The following USB1 variants were observed in gnomAD, a reference collection of about 807,000 sequenced individuals.
USB1 encodes the protein U6 snRNA biogenesis phosphodiesterase 1.
In USB1, 21 loss-of-function variants were observed where a neutral mutation model predicts 29.9. The ratio of observed to expected loss-of-function variants is 0.70; its 90% confidence interval spans 0.50 to 1.01. The LOEUF (loss-of-function observed/expected upper bound fraction) is 1.01, where lower values mean the gene tolerates loss of function less well. Among genes scored for constraint, USB1 ranks in the 50% least tolerant of loss-of-function variants. The pLI is 0.00. For missense variants in USB1, 330 were observed against 347.1 expected (o/e 0.95, Z 0.39); for synonymous variants, 143 against 134.9 (o/e 1.06, Z -0.42).
At chr16:58,007,013 A>G (rs1233422053) in intron 2 of USB1, among the ~76,000 whole-genome samples, 1 of 152,258 alleles carries the variant, frequency 6.6e-6, no homozygotes, top group Non-Finnish European at 1.5e-5. Context: ...TGGATGGATT[A>G]CATTAATTGA....
At chr16:58,006,839 G>A (rs1963372015) in intron 2 of USB1, among the ~76,000 whole-genome samples, 1 of 152,196 alleles carries the variant, frequency 6.6e-6, no homozygotes, top group South Asian at 2.1e-4. Flanking sequence ...TTTCCTATCA[G>A]TTAGCTATAG....
chr16:58,011,172 G>A (rs1225942412), intron 3 of USB1: 1 of 1,514,828 alleles, frequency 6.6e-7, no homozygotes, highest in Non-Finnish European at 8.9e-7. Flanking sequence ...CTTAGGAAAT[G>A]ACACAGGTTT....
rs377411772 is a variant in USB1 at position 58,017,420 on chromosome 16, A to C, written c.590A>C (p.Asn197Thr). Residue 197 changes from asparagine to threonine, a missense_variant, in exon 5 of 7, where the codon AAC becomes ACC. Transcript: ENST00000219281. ...GTGGACAGAGTCATGGAGGAATTCAACCTCACCACTTTCTACCAGGTAATG... is the reference window on the plus strand; with the variant it reads ...GTGGACAGAGTCATGGAGGAATTCACCCTCACCACTTTCTACCAGGTAATG... ...SEVDRVMEEF[N>T]LTTFYQDPSF... The C allele has an allele frequency of 1.2e-6, 2 of 1,613,972 alleles. No homozygotes were observed. The highest frequency in any genetic ancestry group is 1.3e-5 in the African/African-American group (1 of 74,914).
chr16:58,014,029 A>G, intron 3 of USB1: 1 of 512,016 alleles, frequency 2.0e-6, no homozygotes. Flanking sequence ...ATGAACTGCT[A>G]TTAACAAAGT....
upstream of USB1, chr16:57,999,849 G>C (rs984079335): frequency 6.5e-6 from 1 of 152,758 alleles, no homozygotes; most frequent in African/African-American, 2.4e-5. Context: ...GCGCCTGTAG[G>C]TCCGCTGTGC....
chr16:58,001,565 GA>G lies in USB1; in HGVS notation c.83del (p.Asp28ValfsTer23). 6.2e-7 allele frequency: 1 copy of G among 1,608,532 alleles called. No individual in the cohort carries two copies. The highest frequency in any genetic ancestry group is 8.5e-7 in the Non-Finnish European group (1 of 1,178,036). On this transcript the variant is annotated frameshift_variant, in exon 1 of 7. Transcript: ENST00000219281. LOFTEE classifies it high-confidence loss of function. ...SEDGMRTRPGDGSHRRGQSPL... is the reference protein window; with the variant it reads ...SEDGMRTRPGXGSHRRGQSPL... Reference sequence around the variant, plus strand: ...GGACGGGATGCGGACCAGGCCGGGGGATGGGAGCCACCGTCGGTGAGGAGTG... The same window carrying G: ...GGACGGGATGCGGACCAGGCCGGGGGTGGGAGCCACCGTCGGTGAGGAGTG...
chr16:58,020,813 G>T lies in USB1; in HGVS notation c.*568G>T, dbSNP rs1017461757. On this transcript the variant is annotated 3_prime_UTR_variant, in exon 7 of 7. Transcript: ENST00000219281. ...CTCGGCTGTTGTGGGTTGCAGGTTG[G>T]GTGCTGCTGTTGTGGTCCTTCCCAG... The T allele has an allele frequency of 5.7e-6, 1 of 176,464 alleles. No individual in the cohort carries two copies. Among genetic ancestry groups the T allele is most frequent in the Non-Finnish European group, 1.2e-5 (1 of 81,404 alleles). The allele number at this position is 176,464 out of a possible 1,614,324, so 10.9% of individuals were successfully genotyped here.
chr16:58,018,900 C>T, intron 5 of USB1, 72 bp from the exon 6 acceptor site: 1 of 1,478,740 alleles, frequency 6.8e-7, no homozygotes. Context: ...ACAGCTCTGT[C>T]ACAGACCTGC....
intron 2 of USB1, among the ~76,000 whole-genome samples, chr16:58,006,465 C>G (rs535175523): frequency 1.1e-5 from 1 of 88,700 alleles, no homozygotes; most frequent in Non-Finnish European, 2.3e-5. Flanking sequence ...CAAGACCAGC[C>G]TGGCCAACAT....
In USB1 at chr16:58,020,248, A is replaced by G; in HGVS notation, c.*3A>G. ...TCTTCTCGATGCCTTTGAAGTGAGC[A>G]CCAGAGGCCTTCCTCCTCCAGGGCC... On this transcript the variant is annotated 3_prime_UTR_variant, in exon 7 of 7. Coordinates refer to ENST00000219281, the MANE Select transcript of USB1 (RefSeq NM_024598.4). 1 of 1,613,874 alleles carries G rather than the reference A, an allele frequency of 6.2e-7. No individual in the cohort carries two copies. Among genetic ancestry groups the G allele is most frequent in the Non-Finnish European group, 8.5e-7 (1 of 1,179,772 alleles).
chr16:58,010,727 A>C (rs552348831), intron 3 of USB1: 1 of 428,946 alleles, frequency 2.3e-6, no homozygotes, highest in African/African-American at 2.0e-5. Context: ...CAGGATACAC[A>C]TGAACAGCCA....
intron 6 of USB1, 88 bp from the exon 7 acceptor site, chr16:58,020,053 A>C: frequency 7.7e-7 from 1 of 1,292,872 alleles, no homozygotes; most frequent in East Asian, 2.4e-5. Flanking sequence ...CCAGCCTCTG[A>C]AGTTGGGTGA....
intron 3 of USB1, chr16:58,010,566 T>C: frequency 3.8e-6 from 1 of 263,372 alleles, no homozygotes; most frequent in Non-Finnish European, 7.4e-6. Context: ...TGTTGAGCTC[T>C]CAGGTTACCC....
intron 2 of USB1, among the ~76,000 whole-genome samples, chr16:58,005,753 C>T (rs1305549359): frequency 6.6e-6 from 1 of 152,178 alleles, no homozygotes; most frequent in East Asian, 1.9e-4. Flanking sequence ...AACATCTCTC[C>T]ACTTACTTAG....
chr16:58,015,486 C>CATTCATT (rs939178838), intron 4 of USB1: 6 of 152,192 alleles, frequency 3.9e-5, no homozygotes, highest in African/African-American at 1.4e-4. Flanking sequence ...TTTATTCATT[C>CATTCATT]ATTTATTCCA....
At chr16:58,018,260 T>G (rs1963662998) in intron 5 of USB1, among the ~76,000 whole-genome samples, 1 of 147,318 alleles carries the variant, frequency 6.8e-6, no homozygotes, top group Admixed American at 6.9e-5. Context: ...AGAGTCTTAC[T>G]CTGTCGCCCA....
At chr16:58,003,281 G>T (rs571237414) in intron 2 of USB1, among the ~76,000 whole-genome samples, 2 of 152,238 alleles carry the variant, frequency 1.3e-5, no homozygotes, top group South Asian at 4.1e-4. Flanking sequence ...AAAAAAATTA[G>T]CCAGGTGTGG....
intron 2 of USB1, among the ~76,000 whole-genome samples, chr16:58,003,459 TA>T (rs1289448791): frequency 6.6e-6 from 1 of 152,202 alleles, no homozygotes; most frequent in Non-Finnish European, 1.5e-5. Context: ...CTTACAAAAC[TA>T]AACATACTCT....
chr16:58,006,536 G>A (rs545386299), intron 2 of USB1, among the ~76,000 whole-genome samples: 35 of 152,198 alleles, frequency 2.3e-4, no homozygotes, highest in African/African-American at 7.9e-4. Context: ...GCACATGCCT[G>A]TAATCCCAGC....
Sources: gnomAD v4.1 joint callset for allele counts (sites outside exome capture counted in the v4.1 genomes callset) on GRCh38, gnomAD v4.1.1 for gene constraint, MANE v1.5 for transcripts, NCBI Gene and HGNC (gene_info 2026-07-23, HGNC 2026-07-21) for gene names.